Variants in SLC25A17 observed in about 807,000 individuals in gnomAD.
SLC25A17 encodes the protein peroxisomal membrane protein PMP34.
In SLC25A17, 26 loss-of-function variants were observed where a neutral mutation model predicts 38.5. That is an observed-to-expected ratio of 0.68 (90% CI 0.50 to 0.94). SLC25A17 has a LOEUF of 0.94. Ranked by LOEUF, SLC25A17 falls within the 40% of genes least tolerant of loss-of-function variation. SLC25A17 has a pLI of 0.00. For synonymous variants in SLC25A17, 139 were observed against 136.2 expected (o/e 1.02, Z -0.14); for missense variants, 333 against 372.7 (o/e 0.89, Z 0.88).
At chr22:40,818,973 G>T (rs1197249785) in intron 1 of SLC25A17, among the ~76,000 whole-genome samples, 2 of 152,074 alleles carry the variant, frequency 1.3e-5, no homozygotes, top group African/African-American at 4.8e-5. Flanking sequence ...TCTCTACCCC[G>T]CAGTCTCTAG....
chr22:40,819,324 G>C lies in SLC25A17; in HGVS notation c.-76C>G, dbSNP rs978651650. On this transcript the variant is annotated 5_prime_UTR_variant, in exon 1 of 9. Coordinates refer to ENST00000435456, the MANE Select transcript of SLC25A17 (RefSeq NM_006358.4). ...CCAGTGGAGTTAGGAAAGGAGCACC[G>C]GAGCTCAGGGTGTGAGAGTCGCAAT... 7.9e-6 allele frequency: 12 copies of C among 1,527,438 alleles called. No individual in the cohort carries two copies. Among genetic ancestry groups the C allele is most frequent in the African/African-American group, 2.8e-5 (2 of 72,376 alleles). The allele number at this position is 1,527,438 out of a possible 1,614,324, so 94.6% of individuals were successfully genotyped here.
intron 4 of SLC25A17, among the ~76,000 whole-genome samples, chr22:40,785,610 C>G (rs551236380): frequency 6.6e-6 from 1 of 152,130 alleles, no homozygotes; most frequent in African/African-American, 2.4e-5. Context: ...CCGGGTTAAA[C>G]AGGCTTTGCA....
intron 1 of SLC25A17, among the ~76,000 whole-genome samples, chr22:40,807,478 G>A (rs746660854): frequency 2.6e-5 from 4 of 152,094 alleles, no homozygotes; most frequent in Non-Finnish European, 5.9e-5. Flanking sequence ...GGCCAGGTGC[G>A]GTGGCTCATG....
chr22:40,819,099 C>T (rs905180470), intron 1 of SLC25A17, 96 bp downstream of exon 1: 2 of 1,323,874 alleles, frequency 1.5e-6, no homozygotes, highest in African/African-American at 1.5e-5. Context: ...ACCCACACTA[C>T]CTCCCTCTCA....
intron 1 of SLC25A17, among the ~76,000 whole-genome samples, chr22:40,802,437 G>C (rs891918094): frequency 6.6e-6 from 1 of 152,012 alleles, no homozygotes; most frequent in Admixed American, 6.6e-5. Context: ...CTGAGGTCAG[G>C]AGTTCGAGAC....
intron 1 of SLC25A17, among the ~76,000 whole-genome samples, chr22:40,809,614 C>T (rs2057560745): frequency 6.6e-6 from 1 of 151,724 alleles, no homozygotes; most frequent in African/African-American, 2.4e-5. Context: ...CCTGGGTACA[C>T]AGTGAGACCC....
chr22:40,818,698 C>A (rs1460904086), intron 1 of SLC25A17, among the ~76,000 whole-genome samples: 3 of 147,404 alleles, frequency 2.0e-5, no homozygotes, highest in Non-Finnish European at 4.5e-5. Context: ...AGAGCAAGAC[C>A]CTGTCCGGAA....
chr22:40,775,436 GTTTTTTTTTTTTTTTTTT>G (rs71200615), intron 7 of SLC25A17, among the ~76,000 whole-genome samples: 258 of 86,842 alleles, frequency 3.0e-3, no homozygotes, highest in African/African-American at 0.011. Context: ...AGATCTGATG[GTTTTTTTTTTTTTTTTTT>G]TTTTTTTTTT....
chr22:40,798,975 A>G (rs2057455976), intron 2 of SLC25A17, 48 bp downstream of exon 2: 2 of 1,317,312 alleles, frequency 1.5e-6, no homozygotes, highest in Admixed American at 2.1e-5. Context: ...ACTAGCGAAA[A>G]TGTTTGCTTC....
chr22:40,789,535 T>C lies in SLC25A17; in HGVS notation c.334+2990A>G, dbSNP rs1239267350. ...TGTTTGTTTATTTAGAGGTAGAGTT[T>C]CCCTCTTGTTGCCCAGGCTGGAGTG... On this transcript the variant is annotated intron_variant, in intron 4 of 8. Transcript: ENST00000435456. The surrounding 1 kb of genome is among the most constrained non-coding windows in gnomAD (Gnocchi z 4.5). Among the ~76,000 whole-genome samples, 1 of 152,182 alleles carries C rather than the reference T, an allele frequency of 6.6e-6. No homozygotes were observed. Among genetic ancestry groups the C allele is most frequent in the Non-Finnish European group, 1.5e-5 (1 of 68,038 alleles).
intron 4 of SLC25A17, 86 bp from the exon 5 acceptor site, chr22:40,779,211 C>A: frequency 6.2e-7 from 1 of 1,601,822 alleles, no homozygotes; most frequent in East Asian, 2.3e-5. Flanking sequence ...ACCAATATTC[C>A]ATTTATATCT....
chr22:40,782,157 T>C (rs1602594385), intron 4 of SLC25A17, among the ~76,000 whole-genome samples: 1 of 150,460 alleles, frequency 6.6e-6, no homozygotes, highest in African/African-American at 2.5e-5. Flanking sequence ...AAGGTGGAGG[T>C]TGCAGTGAGC....
At chr22:40,803,061 C>T (rs1284321699) in intron 1 of SLC25A17, among the ~76,000 whole-genome samples, 1 of 152,122 alleles carries the variant, frequency 6.6e-6, no homozygotes, top group Non-Finnish European at 1.5e-5. Context: ...GAAATACGCA[C>T]GACATTGTTA....
chr22:40,814,790 T>TATATATATATATATA (rs56313372), intron 1 of SLC25A17, among the ~76,000 whole-genome samples: 20 of 118,946 alleles, frequency 1.7e-4, no homozygotes, highest in African/African-American at 5.1e-4. Context: ...TATATATATA[T>TATATATATATATATA]TGTTGTTGTT....
intron 1 of SLC25A17, among the ~76,000 whole-genome samples, chr22:40,807,203 A>G (rs1453586241): frequency 2.0e-5 from 3 of 152,208 alleles, no homozygotes; most frequent in African/African-American, 7.2e-5. Context: ...AATACCACTG[A>G]ACTATGCTTG....
Position 40,775,505 on chromosome 22 carries a change from G to A in SLC25A17, c.694-1486C>T, listed in dbSNP as rs1297940985. ...GGAGTCTCGCTCTGTCGCCCAGGCC[G>A]GACTGCGGACTGCAGTGGCGCAATC... On this transcript the variant is annotated intron_variant, in intron 7 of 8. Transcript: ENST00000435456. 1.1e-4 allele frequency among the ~76,000 whole-genome samples: 15 copies of A among 133,174 alleles called. No individual in the cohort carries two copies. In the South Asian group the frequency reaches 3.4e-3, roughly 30 times the overall value. 87.4% of individuals were successfully genotyped at this position (133,174 alleles called of 152,430 possible). A position where few individuals can be genotyped will look rare whatever the true frequency, so the allele number is the denominator to read the frequency against.
At chr22:40,792,706 AG>A (rs1450731163) in intron 3 of SLC25A17, 30 bp from the exon 4 acceptor site, 1 of 1,612,176 alleles carries the variant, frequency 6.2e-7, no homozygotes, top group Admixed American at 1.7e-5. Context: ...AGCAAAGTAA[AG>A]GTCATGGACA....
chr22:40,784,574 A>G, intron 4 of SLC25A17: 1 of 270,880 alleles, frequency 3.7e-6, no homozygotes, highest in South Asian at 3.4e-5. Flanking sequence ...GGGGTTTGAA[A>G]CCAGCCTGGG....
chr22:40,801,052 C>T (rs2057476074), intron 1 of SLC25A17, among the ~76,000 whole-genome samples: 1 of 148,300 alleles, frequency 6.7e-6, no homozygotes, highest in Non-Finnish European at 1.5e-5. Flanking sequence ...TGCAGTGAGC[C>T]GCGATCATGC....
Sources: allele counts gnomAD v4.1 joint callset (sites outside exome capture counted in the v4.1 genomes callset), GRCh38; gene constraint gnomAD v4.1.1; non-coding constraint Gnocchi (gnomAD v3.1); transcripts MANE v1.5; gene names NCBI Gene and HGNC (gene_info 2026-07-23, HGNC 2026-07-21).